The following WRN variants were observed in gnomAD, a reference collection of about 807,000 sequenced individuals.
WRN encodes the protein WRN RecQ like helicase.
WRN carries 149 observed loss-of-function variants against 180.7 expected under a neutral mutation model. The ratio of observed to expected loss-of-function variants is 0.82; its 90% confidence interval spans 0.72 to 0.94. The LOEUF (loss-of-function observed/expected upper bound fraction) is 0.94. WRN is among the 40% of genes least tolerant of loss of function. The pLI, the probability that WRN is intolerant of heterozygous loss-of-function variation, is 0.00. For synonymous variants in WRN, 548 were observed against 568.9 expected (o/e 0.96, Z 0.52); for missense variants, 1,661 against 1,700.1 (o/e 0.98, Z 0.40).
In WRN at chr8:31,100,916, A is replaced by C; in HGVS notation, c.2049A>C (p.Ser683=). ...AGTGGGGGCATGATTTTAGGGATTC[A>C]TTCAGGAAGTTGGGCTCCCTAAAGA... ...ISEWGHDFRD[S]FRKLGSLKTA... The change falls in exon 18 of 35, where the codon TCA becomes TCC. Residue 683 remains serine, a synonymous_variant. Coordinates refer to ENST00000298139, the MANE Select transcript of WRN (RefSeq NM_000553.6). The C allele has an allele frequency of 1.2e-6, 2 of 1,613,898 alleles. No individual in the cohort carries two copies. Among genetic ancestry groups the C allele is most frequent in the Non-Finnish European group, 1.7e-6 (2 of 1,179,890 alleles).
rs2130228974 is a variant in WRN, at chr8:31,100,863, G to A, written c.1996G>A (p.Ala666Thr). Residue 666 changes from alanine (A) to threonine (T), a missense_variant, in exon 18 of 35, where the codon GCT becomes ACT. By Grantham distance (58) the Ala-to-Thr change is moderately conservative (BLOSUM62 0). This residue lies in a region of WRN where 1,141 missense variants were observed against 1,149.4 expected (regional missense o/e 0.99). Transcript: ENST00000298139. ...LEADIGITLI[A>T]VDEAHCISEW... The stretch of plus-strand genomic sequence containing the variant: ...TTTTTTTACAGGTATCACGCTCATT[G>A]CTGTGGATGAGGCTCACTGTATTTC... The A allele has an allele frequency of 1.2e-6, 2 of 1,613,662 alleles. No individual in the cohort carries two copies. The highest frequency in any genetic ancestry group is 1.7e-6 in the Non-Finnish European group (2 of 1,179,878).
intron 7 of WRN, among the ~76,000 whole-genome samples, chr8:31,071,592 C>G (rs1812915175): frequency 6.6e-6 from 1 of 152,154 alleles, no homozygotes; most frequent in South Asian, 2.1e-4. Flanking sequence ...AGTGATTATC[C>G]TGCCTCAGCC....
intron 19 of WRN, among the ~76,000 whole-genome samples, chr8:31,112,101 G>A (rs974354878): frequency 6.6e-6 from 1 of 152,000 alleles, no homozygotes; most frequent in African/African-American, 2.4e-5. Context: ...TATAGAGACA[G>A]GGTCTCTCTG....
At chr8:31,072,151 A>T (rs118079178) in intron 7 of WRN, among the ~76,000 whole-genome samples, 1 of 152,320 alleles carries the variant, frequency 6.6e-6, no homozygotes, top group East Asian at 1.9e-4. Context: ...AGGAGTTGCC[A>T]TAGACATCGA....
chr8:31,114,624 T>C (rs1419422457), intron 19 of WRN, among the ~76,000 whole-genome samples: 2 of 152,172 alleles, frequency 1.3e-5, no homozygotes, highest in African/African-American at 4.8e-5. Context: ...TTGTGATCAC[T>C]GTTGGTATTT....
At chr8:31,089,619 A>G (rs1266607293) in intron 13 of WRN, among the ~76,000 whole-genome samples, 4 of 151,978 alleles carry the variant, frequency 2.6e-5, no homozygotes, top group Non-Finnish European at 5.9e-5. Context: ...TGTTGTAGAG[A>G]TCAATGAATT....
intron 5 of WRN, among the ~76,000 whole-genome samples, chr8:31,066,775 A>G (rs778246608): frequency 2.0e-5 from 3 of 152,054 alleles, no homozygotes; most frequent in Non-Finnish European, 4.4e-5. Context: ...AAGCCTACTA[A>G]CCAACTTTTT....
At chr8:31,079,317 G>C (rs905600600) in intron 8 of WRN, among the ~76,000 whole-genome samples, 1 of 151,978 alleles carries the variant, frequency 6.6e-6, no homozygotes, top group Non-Finnish European at 1.5e-5. Flanking sequence ...TTTTACTTGA[G>C]TCATTAATAT....
chr8:31,133,054 A>C (rs895973143), intron 24 of WRN, among the ~76,000 whole-genome samples: 1 of 152,338 alleles, frequency 6.6e-6, no homozygotes, highest in African/African-American at 2.4e-5. Flanking sequence ...AATTAAATTC[A>C]GTTACTTTTT....
At chr8:31,076,588 ATAAAT>A (rs1370452944) in intron 8 of WRN, among the ~76,000 whole-genome samples, 1 of 152,182 alleles carries the variant, frequency 6.6e-6, no homozygotes, top group South Asian at 2.1e-4. Context: ...TCAAAGCAAA[ATAAAT>A]TATACATTAA....
At chr8:31,086,384 G>A (rs571821525) in intron 11 of WRN, among the ~76,000 whole-genome samples, 1 of 152,128 alleles carries the variant, frequency 6.6e-6, no homozygotes, top group South Asian at 2.1e-4. Flanking sequence ...ACCAACCTGG[G>A]CAACATGGCA....
At chr8:31,077,115 A>C (rs1813123212) in intron 8 of WRN, among the ~76,000 whole-genome samples, 1 of 152,196 alleles carries the variant, frequency 6.6e-6, no homozygotes, top group African/African-American at 2.4e-5. Flanking sequence ...TCTGGGTAAG[A>C]TTTGTGATAG....
intron 23 of WRN, 129 bp downstream of exon 23, chr8:31,125,129 A>G: frequency 1.2e-6 from 1 of 867,930 alleles, no homozygotes; most frequent in Non-Finnish European, 1.8e-6. Context: ...GTGTTTAGAT[A>G]TGAGAAAGCA....
chr8:31,105,930 T>C (rs1801078106), intron 18 of WRN, among the ~76,000 whole-genome samples: 1 of 152,200 alleles, frequency 6.6e-6, no homozygotes, highest in Admixed American at 6.5e-5. Flanking sequence ...TACATATATA[T>C]GTGTGTATAC....
At chr8:31,101,051 A>G (rs1814207933) in intron 18 of WRN, 96 bp downstream of exon 18, 1 of 972,020 alleles carries the variant, frequency 1.0e-6, no homozygotes, top group African/African-American at 1.6e-5. Flanking sequence ...ACTTCACTAT[A>G]AAAGAGCAAA....
rs1268796749 is a variant in WRN, at chr8:31,067,025, AT to A, written c.505-5del. The A allele has an allele frequency of 3.1e-6, 5 of 1,613,568 alleles. No homozygotes were observed. The highest frequency in any genetic ancestry group is 4.2e-6 in the Non-Finnish European group (5 of 1,179,824). On this transcript the variant is annotated splice_region_variant and splice_polypyrimidine_tract_variant and intron_variant, in intron 5 of 34. Transcript: ENST00000298139. ...GATTTTACTGTGTTGCTTTTTCATC[AT>A]TTCTAGCTGAAATGCACAGAGACCT... is the stretch of plus-strand genomic sequence containing the variant.
At chr8:31,161,261 T>C (rs1376158438) in intron 33 of WRN, among the ~76,000 whole-genome samples, 1 of 152,158 alleles carries the variant, frequency 6.6e-6, no homozygotes, top group Non-Finnish European at 1.5e-5. Context: ...GCCTCTCTTA[T>C]AGAATTGTGA....
At chr8:31,134,151 T>C (rs56270374) in intron 24 of WRN, among the ~76,000 whole-genome samples, 7,004 of 152,304 alleles carry the variant, frequency 0.046, 211 homozygotes, top group South Asian at 0.086. Flanking sequence ...TGTTTTTTTT[T>C]CTCCCCATTT....
At chr8:31,157,850 C>T (rs1320534044) in intron 33 of WRN, among the ~76,000 whole-genome samples, 1 of 152,086 alleles carries the variant, frequency 6.6e-6, no homozygotes, top group African/African-American at 2.4e-5. Flanking sequence ...GCCTCAGCTT[C>T]CTGAGTAGCT....
Sources: gnomAD v4.1 joint callset for allele counts (sites outside exome capture counted in the v4.1 genomes callset) on GRCh38, gnomAD v4.1.1 for gene constraint, gnomAD v4.1.1 regional missense constraint, MANE v1.5 for transcripts, NCBI Gene and HGNC (gene_info 2026-07-23, HGNC 2026-07-21) for gene names.